Variants in MSRA observed in about 807,000 individuals in gnomAD.
MSRA encodes methionine sulfoxide reductase A.
MSRA carries 54 observed loss-of-function variants against 31.3 expected under a neutral mutation model. That is an observed-to-expected ratio of 1.73 (90% CI 1.39 to 2.17). The LOEUF (loss-of-function observed/expected upper bound fraction) is 2.17. Among genes scored for constraint, MSRA ranks in the 30% most tolerant of loss-of-function variants. The pLI, the probability that MSRA is intolerant of heterozygous loss-of-function variation, is 0.00. For synonymous variants in MSRA, 169 were observed against 116.5 expected, an observed-to-expected ratio of 1.45 and a Z score of -2.90; for missense variants, 507 against 300.9, an observed-to-expected ratio of 1.69 and a Z score of -5.07.
At chr8:10,315,157 C>G (rs376926077) in intron 4 of MSRA, among the ~76,000 whole-genome samples, 770 of 152,268 alleles carry the variant, frequency 5.1e-3, no homozygotes, top group South Asian at 8.1e-3. Context: ...AGACCTGCCC[C>G]CCGTGATTCA....
At chr8:10,397,487 T>A (rs1339082039) in intron 5 of MSRA, among the ~76,000 whole-genome samples, 1 of 152,190 alleles carries the variant, frequency 6.6e-6, no homozygotes, top group Non-Finnish European at 1.5e-5. Context: ...GGTATGAGCC[T>A]TGCAGAGCCT....
At chr8:10,239,221 G>A (rs1042748913) in intron 2 of MSRA, among the ~76,000 whole-genome samples, 3 of 152,024 alleles carry the variant, frequency 2.0e-5, no homozygotes, top group Non-Finnish European at 2.9e-5. Context: ...GAGTGCAGTG[G>A]TGCAATCTCG....
At chr8:10,280,885 G>C (rs946099679) in intron 3 of MSRA, among the ~76,000 whole-genome samples, 2 of 152,320 alleles carry the variant, frequency 1.3e-5, no homozygotes, top group South Asian at 4.1e-4. Flanking sequence ...TGTGCTACAT[G>C]AAAGAATCCA....
At chr8:10,108,190 G>A (rs930590905) in intron 1 of MSRA, among the ~76,000 whole-genome samples, 2 of 152,170 alleles carry the variant, frequency 1.3e-5, no homozygotes, top group East Asian at 1.9e-4. Flanking sequence ...TATAATCTCT[G>A]ACGTTTGTTC....
chr8:10,267,409 G>A (rs775524244), intron 3 of MSRA, among the ~76,000 whole-genome samples: 5 of 152,160 alleles, frequency 3.3e-5, no homozygotes, highest in African/African-American at 4.8e-5. Flanking sequence ...ATGGGGTTGT[G>A]TAGGGATATG....
intron 1 of MSRA, among the ~76,000 whole-genome samples, chr8:10,065,210 C>T (rs371505447): frequency 2.0e-5 from 3 of 151,944 alleles, no homozygotes; most frequent in African/African-American, 7.3e-5. Flanking sequence ...TCTCAGAGCC[C>T]CAGGGTGTCC....
intron 1 of MSRA, among the ~76,000 whole-genome samples, chr8:10,151,978 A>C (rs184879954): frequency 1.5e-4 from 23 of 152,310 alleles, no homozygotes; most frequent in African/African-American, 5.5e-4. Context: ...ATGATGGCCA[A>C]TTTATTGCGT....
intron 5 of MSRA, among the ~76,000 whole-genome samples, chr8:10,425,151 TG>T (rs1323421730): frequency 6.7e-6 from 1 of 149,382 alleles, no homozygotes; most frequent in Admixed American, 6.6e-5. Context: ...GGTGGGGGGA[TG>T]GGGGAGAGTG....
chr8:10,428,332 C>T lies in MSRA; in HGVS notation c.*20C>T. On this transcript the variant is annotated 3_prime_UTR_variant, in exon 6 of 6. Transcript: ENST00000317173. The stretch of plus-strand genomic sequence containing the variant: ...AAATAATTTCTCCCCACATGGTGGG[C>T]CTTTGAGGTTCCAGTAAAAATGCTT... The T allele has an allele frequency of 1.9e-6, 3 of 1,608,838 alleles. No individual in the cohort carries two copies. Among genetic ancestry groups the T allele is most frequent in the South Asian group, 1.1e-5 (1 of 89,900 alleles).
intron 1 of MSRA, among the ~76,000 whole-genome samples, chr8:10,089,711 C>G (rs945577251): frequency 6.6e-6 from 1 of 152,178 alleles, no homozygotes; most frequent in African/African-American, 2.4e-5. Context: ...CCGGTGAGGA[C>G]CTTTGTGCTG....
chr8:10,075,866 A>C (rs1046234519), intron 1 of MSRA, among the ~76,000 whole-genome samples: 2 of 152,196 alleles, frequency 1.3e-5, no homozygotes, highest in South Asian at 2.1e-4. Flanking sequence ...CCTAATACCA[A>C]GATATGGAGA....
intron 1 of MSRA, among the ~76,000 whole-genome samples, chr8:10,084,625 C>G (rs1798460837): frequency 6.6e-6 from 1 of 152,176 alleles, no homozygotes; most frequent in East Asian, 1.9e-4. Context: ...GTCTCTGTGC[C>G]TTAGTTTCCT....
intron 3 of MSRA, among the ~76,000 whole-genome samples, chr8:10,255,529 C>A (rs76216297): frequency 0.037 from 5,575 of 152,286 alleles, 321 homozygotes; most frequent in African/African-American, 0.13. Flanking sequence ...GCGACTGTCA[C>A]ACCAGTGCCC....
chr8:10,147,689 G>A (rs1457338819), intron 1 of MSRA, among the ~76,000 whole-genome samples: 2 of 152,164 alleles, frequency 1.3e-5, no homozygotes, highest in African/African-American at 4.8e-5. Context: ...TGCATGGAAA[G>A]GCTGTAACGA....
chr8:10,301,514 T>C lies in MSRA; in HGVS notation c.332-20T>C. Reference sequence around the variant, plus strand: ...GGATGTTGTCAGTAAATTTCGGTTGTACGTTTTGTTTTTTCCAAGAAAAAA... The same window carrying C: ...GGATGTTGTCAGTAAATTTCGGTTGCACGTTTTGTTTTTTCCAAGAAAAAA... On this transcript the variant is annotated intron_variant, in intron 3 of 5. Coordinates refer to ENST00000317173, the MANE Select transcript of MSRA (RefSeq NM_012331.5). 6.3e-7 allele frequency: 1 copy of C among 1,593,138 alleles called. No homozygotes were observed. The highest frequency in any genetic ancestry group is 8.6e-7 in the Non-Finnish European group (1 of 1,167,154).
At chr8:10,095,503 C>G (rs550879836) in intron 1 of MSRA, 3 of 985,362 alleles carry the variant, frequency 3.0e-6, no homozygotes, top group Non-Finnish European at 2.4e-6. Context: ...CTGGCACAGC[C>G]TGGACCTCCG....
chr8:10,318,650 A>G (rs370913620), intron 4 of MSRA, among the ~76,000 whole-genome samples: 2 of 152,156 alleles, frequency 1.3e-5, no homozygotes, highest in African/African-American at 4.8e-5. Flanking sequence ...TGACAGTCAA[A>G]TATTTCGTTT....
At chr8:10,408,535 A>G (rs1227596636) in intron 5 of MSRA, among the ~76,000 whole-genome samples, 1 of 152,170 alleles carries the variant, frequency 6.6e-6, no homozygotes, top group African/African-American at 2.4e-5. Flanking sequence ...GCAACACCGT[A>G]TTTCTAAATA....
At chr8:10,318,211 C>T (rs1450881361) in intron 4 of MSRA, among the ~76,000 whole-genome samples, 1 of 152,200 alleles carries the variant, frequency 6.6e-6, no homozygotes, top group Admixed American at 6.5e-5. Context: ...GGCCATTTAC[C>T]TGCTATGTGA....
Sources: gnomAD v4.1 joint callset for allele counts (sites outside exome capture counted in the v4.1 genomes callset) on GRCh38, gnomAD v4.1.1 for gene constraint, MANE v1.5 for transcripts, NCBI Gene and HGNC (gene_info 2026-07-23, HGNC 2026-07-21) for gene names.